Variants in RAD17 observed in about 807,000 individuals in gnomAD.
RAD17 encodes the protein RAD17 checkpoint clamp loader component.
Under a neutral mutation model 81.5 loss-of-function variants are expected in RAD17, and 31 were observed. The observed-to-expected ratio is 0.38, with a 90% confidence interval of 0.29 to 0.51. RAD17 has a LOEUF of 0.51. RAD17 is among the 20% of genes least tolerant of loss of function. The pLI, the probability that RAD17 is intolerant of heterozygous loss-of-function variation, is 0.88. For synonymous variants in RAD17, 261 were observed against 266.2 expected, an observed-to-expected ratio of 0.98 and a Z score of 0.19; for missense variants, 681 against 781.2, an observed-to-expected ratio of 0.87 and a Z score of 1.53.
At position 69,389,293 on chromosome 5, in the gene RAD17, T is replaced by C. The variant is rs1764401405; in HGVS notation, c.1006+148T>C. ...TGAGACAGTGGCTTAAAATTAAATA[T>C]ATACACATGCATACATACCCTTCTA... On this transcript the variant is annotated intron_variant, in intron 12 of 18. Coordinates refer to ENST00000354868, the MANE Select transcript of RAD17 (RefSeq NM_133338.3). 3 of 449,882 alleles carry C rather than the reference T, an allele frequency of 6.7e-6. No individual in the cohort carries two copies. In the South Asian group the frequency reaches 1.8e-4, roughly 26 times the overall value. The allele number at this position is 449,882 out of a possible 1,614,324, so 27.9% of individuals were successfully genotyped here. A position where few individuals can be genotyped will look rare whatever the true frequency, so the allele number is the denominator to read the frequency against.
intron 15 of RAD17, among the ~76,000 whole-genome samples, chr5:69,394,395 TA>T (rs1362254402): frequency 1.3e-5 from 2 of 151,956 alleles, no homozygotes; most frequent in African/African-American, 4.8e-5. Flanking sequence ...AATTAATACA[TA>T]CTCAAAATAT....
chr5:69,410,104 G>T (rs1765873634), intron 17 of RAD17, among the ~76,000 whole-genome samples: 1 of 152,190 alleles, frequency 6.6e-6, no homozygotes, highest in Non-Finnish European at 1.5e-5. Context: ...TGTTGATGCT[G>T]ATATGAACAT....
chr5:69,413,823 T>G (rs12659035), intron 18 of RAD17, among the ~76,000 whole-genome samples: 2 of 152,178 alleles, frequency 1.3e-5, no homozygotes, highest in South Asian at 4.1e-4. Flanking sequence ...GCATGAGCCA[T>G]CGTGTTCAGC....
chr5:69,409,633 C>T (rs1245377324), intron 17 of RAD17, among the ~76,000 whole-genome samples: 1 of 152,144 alleles, frequency 6.6e-6, no homozygotes, highest in Non-Finnish European at 1.5e-5. Flanking sequence ...TGCTGTCATC[C>T]TGAAAGTTTA....
In RAD17 at chr5:69,386,183, G is replaced by C. The variant is rs1764200989; in HGVS notation, c.702G>C (p.Lys234Asn). 1 of 1,603,392 alleles carries C rather than the reference G, an allele frequency of 6.2e-7. No individual in the cohort carries two copies. The highest frequency in any genetic ancestry group is 8.5e-7 in the Non-Finnish European group (1 of 1,174,742). ...TTGCTGTATTTTGTTATTTTAGGAA[G>C]TATGTGAGGATTGGTCGATGTCCTC... ...DSHTLHEVLR[K>N]YVRIGRCPLI... Residue 234 changes from lysine (K) to asparagine (N), a missense_variant, in exon 10 of 19, where the codon AAG (lysine) becomes AAC (asparagine). Lys to Asn is a moderately conservative substitution (Grantham distance 94, BLOSUM62 0). Coordinates refer to ENST00000354868, the MANE Select transcript of RAD17 (RefSeq NM_133338.3).
chr5:69,405,902 TGTG>T (rs1765571526), intron 17 of RAD17, among the ~76,000 whole-genome samples: 1 of 151,726 alleles, frequency 6.6e-6, no homozygotes, highest in African/African-American at 2.4e-5. Context: ...ATTAGCCAGA[TGTG>T]GTGGTGTACT....
At position 69,391,967 on chromosome 5, in the gene RAD17, T is replaced by C; in HGVS notation, c.1143T>C (p.Val381=). 2 of 1,566,934 alleles carry C rather than the reference T, an allele frequency of 1.3e-6. No homozygotes were observed. Among genetic ancestry groups the C allele is most frequent in the Non-Finnish European group, 1.7e-6 (2 of 1,165,042 alleles). The part of the protein sequence containing the change: ...QEVQAIGGKD[V]SLFLFRALGK... Reference sequence around the variant, plus strand: ...TCCAAGCTATTGGTGGCAAAGATGTTTCTCTGTTTCTCTTCAGAGCTTTGG... The same window carrying C: ...TCCAAGCTATTGGTGGCAAAGATGTCTCTCTGTTTCTCTTCAGAGCTTTGG... The change falls in exon 13 of 19, where the codon GTT becomes GTC. Residue 381 remains valine (V), a synonymous_variant. Transcript: ENST00000354868.
At chr5:69,374,750 T>C (rs769747229) in intron 6 of RAD17, 39 bp downstream of exon 6, 1 of 1,470,500 alleles carries the variant, frequency 6.8e-7, no homozygotes, top group Non-Finnish European at 9.4e-7. Context: ...TAACATCAAA[T>C]ATTTTTCTGA....
intron 17 of RAD17, among the ~76,000 whole-genome samples, chr5:69,400,731 C>T (rs909341508): frequency 7.9e-5 from 12 of 151,252 alleles, no homozygotes; most frequent in East Asian, 1.9e-4. Flanking sequence ...GTTAGGAGTT[C>T]GAGACCAGCC....
chr5:69,393,536 G>A, intron 15 of RAD17, 36 bp downstream of exon 15: 1 of 1,542,060 alleles, frequency 6.5e-7, no homozygotes, highest in Non-Finnish European at 8.7e-7. Flanking sequence ...TATGTTTATA[G>A]TATTTCCTTA....
At chr5:69,373,169 A>T (rs1263481530) in intron 4 of RAD17, among the ~76,000 whole-genome samples, 3 of 152,142 alleles carry the variant, frequency 2.0e-5, no homozygotes, top group African/African-American at 7.2e-5. Context: ...TTAAAATATT[A>T]TCATTTGTTT....
chr5:69,377,333 A>G (rs1247267940), intron 6 of RAD17, among the ~76,000 whole-genome samples: 2 of 149,574 alleles, frequency 1.3e-5, no homozygotes, highest in East Asian at 2.0e-4. Context: ...TCACTTAGCA[A>G]TACTCTGTCA....
At chr5:69,375,859 A>T (rs1321554194) in intron 6 of RAD17, among the ~76,000 whole-genome samples, 2 of 151,352 alleles carry the variant, frequency 1.3e-5, no homozygotes, top group African/African-American at 4.9e-5. Flanking sequence ...ATCTAATAAT[A>T]GTTTACTAAC....
intron 6 of RAD17, among the ~76,000 whole-genome samples, chr5:69,377,437 G>GTGTATATATATATATATATATA (rs1179738731): frequency 1.9e-4 from 5 of 25,774 alleles, no homozygotes; most frequent in Admixed American, 5.9e-4. Flanking sequence ...GTGTGTGTGT[G>GTGTATATATATATATATATATA]TGTATATATA....
intron 6 of RAD17, among the ~76,000 whole-genome samples, chr5:69,377,652 T>TATATATATGC (rs1763565195): frequency 2.0e-4 from 6 of 29,308 alleles, no homozygotes; most frequent in Admixed American, 8.1e-4. Flanking sequence ...TATATATGCA[T>TATATATATGC]ATATATATGT....
rs1296398323 is a variant in RAD17 at position 69,396,598 on chromosome 5, C to T, written c.1572+52C>T. 5.7e-6 allele frequency: 8 copies of T among 1,406,524 alleles called. No homozygotes were observed. The Admixed American group carries it at 8.6e-5, about 15-fold the overall frequency. 87.1% of individuals were successfully genotyped at this position (1,406,524 alleles called of 1,614,324 possible). A position where few individuals can be genotyped will look rare whatever the true frequency, so the allele number is the denominator to read the frequency against. On this transcript the variant is annotated intron_variant, in intron 16 of 18. Coordinates refer to ENST00000354868, the MANE Select transcript of RAD17 (RefSeq NM_133338.3). ...CTTTCAATATGTGAACTTTATGGTA[C>T]GTGAATTATAACTCAAAGCAGTTAT...
intron 18 of RAD17, among the ~76,000 whole-genome samples, chr5:69,413,761 C>A (rs896143969): frequency 6.6e-6 from 1 of 152,210 alleles, no homozygotes; most frequent in Non-Finnish European, 1.5e-5. Flanking sequence ...TCTTGAACTC[C>A]TGGCCTCAAG....
At chr5:69,390,692 C>T (rs1481488940) in intron 12 of RAD17, among the ~76,000 whole-genome samples, 3 of 151,736 alleles carry the variant, frequency 2.0e-5, no homozygotes, top group African/African-American at 4.8e-5. Context: ...CAGTGGCTCT[C>T]GCCTGTTATC....
At chr5:69,371,407 T>G in intron 2 of RAD17, 47 bp from the exon 3 acceptor site, 2 of 555,566 alleles carry the variant, frequency 3.6e-6, no homozygotes, top group Non-Finnish European at 6.3e-6. Flanking sequence ...AATTGGGCAT[T>G]TACAGTTTTT....
Sources: allele counts gnomAD v4.1 joint callset (sites outside exome capture counted in the v4.1 genomes callset), GRCh38; gene constraint gnomAD v4.1.1; transcripts MANE v1.5; gene names NCBI Gene and HGNC (gene_info 2026-07-23, HGNC 2026-07-21).